The following ZNF521 variants were observed in gnomAD, a reference collection of about 807,000 sequenced individuals.
ZNF521 encodes LYST-interacting protein 3.
ZNF521 carries 14 observed loss-of-function variants against 105.5 expected under a neutral mutation model. The ratio of observed to expected loss-of-function variants is 0.13; its 90% confidence interval spans 0.09 to 0.21. ZNF521 has a LOEUF of 0.21. Among genes scored for constraint, ZNF521 ranks in the 10% least tolerant of loss-of-function variants. The pLI is 1.00. For synonymous variants in ZNF521, 635 were observed against 606.0 expected (o/e 1.05, Z -0.70); for missense variants, 1,233 against 1,629.7 (o/e 0.76, Z 4.19).
At chr18:25,097,757 C>G (rs147533740) in intron 5 of ZNF521, among the ~76,000 whole-genome samples, 1 of 152,228 alleles carries the variant, frequency 6.6e-6, no homozygotes, top group East Asian at 1.9e-4. Context: ...GTCAGAATCT[C>G]ACTTCCAGGA....
intron 5 of ZNF521, among the ~76,000 whole-genome samples, chr18:25,148,312 T>C (rs952219323): frequency 2.6e-5 from 4 of 152,204 alleles, no homozygotes; most frequent in African/African-American, 7.2e-5. Context: ...TGATTGAGTA[T>C]AGATACGAGG....
chr18:25,090,629 T>C (rs2033723759), intron 6 of ZNF521, among the ~76,000 whole-genome samples: 1 of 149,988 alleles, frequency 6.7e-6, no homozygotes, highest in Non-Finnish European at 1.5e-5. Flanking sequence ...CATTTTTGTC[T>C]CTTTATCCGT....
intron 2 of ZNF521, among the ~76,000 whole-genome samples, chr18:25,339,690 G>A (rs1914091246): frequency 6.6e-6 from 1 of 152,148 alleles, no homozygotes; most frequent in African/African-American, 2.4e-5. Flanking sequence ...CTACATTGTA[G>A]GTTACGGGGA....
chr18:25,074,148 G>A (rs28633162), intron 7 of ZNF521, among the ~76,000 whole-genome samples: 4,537 of 152,074 alleles, frequency 0.03, 224 homozygotes, highest in African/African-American at 0.1. Context: ...GTGTTGCGCA[G>A]GGCAAAAAAA....
At chr18:25,202,073 G>A (rs759013535) in intron 4 of ZNF521, 26 of 152,148 alleles carry the variant, frequency 1.7e-4, no homozygotes, top group Non-Finnish European at 3.7e-4. Context: ...ACTGTCTGTT[G>A]TCAAAGGTGA....
chr18:25,131,635 T>C (rs2034642773), intron 5 of ZNF521, among the ~76,000 whole-genome samples: 3 of 152,296 alleles, frequency 2.0e-5, no homozygotes, highest in African/African-American at 7.2e-5. Flanking sequence ...GTTGCATTTG[T>C]CTTTATATCC....
At chr18:25,097,312 T>G (rs1400383575) in intron 5 of ZNF521, among the ~76,000 whole-genome samples, 1 of 152,148 alleles carries the variant, frequency 6.6e-6, no homozygotes, top group East Asian at 1.9e-4. Context: ...AAACACACTG[T>G]GGTGCTAATT....
intron 5 of ZNF521, among the ~76,000 whole-genome samples, chr18:25,184,002 A>G (rs1198101442): frequency 1.3e-5 from 2 of 152,158 alleles, no homozygotes; most frequent in Non-Finnish European, 2.9e-5. Context: ...TTTTTGGTTC[A>G]CCAAAAATAC....
At chr18:25,162,584 G>T (rs574844385) in intron 5 of ZNF521, among the ~76,000 whole-genome samples, 139 of 152,186 alleles carry the variant, frequency 9.1e-4, no homozygotes, top group Non-Finnish European at 1.1e-3. Context: ...ATTAGAGATT[G>T]TAAAGCAAGT....
chr18:25,259,087 G>A (rs1266395822), intron 3 of ZNF521, among the ~76,000 whole-genome samples: 1 of 152,100 alleles, frequency 6.6e-6, no homozygotes, highest in East Asian at 1.9e-4. Flanking sequence ...TGTAGTTAGA[G>A]GTCAGTGCCT....
At chr18:25,338,819 T>C (rs1425010909) in intron 2 of ZNF521, among the ~76,000 whole-genome samples, 2 of 152,208 alleles carry the variant, frequency 1.3e-5, no homozygotes, top group African/African-American at 4.8e-5. Context: ...TTTACAAAGA[T>C]CATAAGCAGA....
chr18:25,103,078 G>A (rs1374243756), intron 5 of ZNF521, among the ~76,000 whole-genome samples: 1 of 151,974 alleles, frequency 6.6e-6, no homozygotes, highest in Non-Finnish European at 1.5e-5. Flanking sequence ...TGCACCTGTT[G>A]GAAGGCTGGA....
In ZNF521 at chr18:25,207,808, G is replaced by C. The variant is rs565072924; in HGVS notation, c.3574-12564C>G. On this transcript the variant is annotated intron_variant, in intron 4 of 7. Transcript: ENST00000361524. ...CAGGTCATCCCAGAAAGATTAAACT[G>C]CAGCACTGAAAAAGTTCTGCATAAT... Among the ~76,000 whole-genome samples the C allele has an allele frequency of 1.4e-4, 22 of 152,212 alleles. 1 individual carries two copies. The South Asian group carries it at 4.6e-3, about 32-fold the overall frequency.
chr18:25,219,535 C>T (rs1313667936), intron 4 of ZNF521, among the ~76,000 whole-genome samples: 1 of 152,118 alleles, frequency 6.6e-6, no homozygotes, highest in African/African-American at 2.4e-5. Flanking sequence ...GAGTTGGAGA[C>T]ATCATTGCTT....
At chr18:25,330,210 C>T (rs555066114) in intron 2 of ZNF521, among the ~76,000 whole-genome samples, 37 of 152,096 alleles carry the variant, frequency 2.4e-4, no homozygotes, top group Admixed American at 2.4e-3. Context: ...TGTCGCCAGG[C>T]TGGAGTGCAG....
chr18:25,350,522 A>G (rs896791298), intron 2 of ZNF521, among the ~76,000 whole-genome samples: 2 of 152,114 alleles, frequency 1.3e-5, no homozygotes, highest in Admixed American at 6.5e-5. Flanking sequence ...TTGCATATTT[A>G]TTCTTTGCGA....
At chr18:25,198,792 A>T (rs891941205) in intron 4 of ZNF521, among the ~76,000 whole-genome samples, 7 of 151,936 alleles carry the variant, frequency 4.6e-5, no homozygotes, top group Non-Finnish European at 8.8e-5. Flanking sequence ...GGGATGACAA[A>T]ATTAGATATT....
chr18:25,190,816 A>G (rs557877503), intron 5 of ZNF521, among the ~76,000 whole-genome samples: 5 of 152,334 alleles, frequency 3.3e-5, no homozygotes, highest in African/African-American at 1.2e-4. Context: ...GATATATATC[A>G]TGTGTAACAC....
At chr18:25,102,423 G>A (rs9967401) in intron 5 of ZNF521, among the ~76,000 whole-genome samples, 1,852 of 151,980 alleles carry the variant, frequency 0.012, 37 homozygotes, top group African/African-American at 0.042. Flanking sequence ...ACATTTGGCT[G>A]AACACTGGAG....
Sources: allele counts gnomAD v4.1 joint callset (sites outside exome capture counted in the v4.1 genomes callset), GRCh38; gene constraint gnomAD v4.1.1; transcripts MANE v1.5; gene names NCBI Gene and HGNC (gene_info 2026-07-23, HGNC 2026-07-21).